The following NLN variants were observed in gnomAD, a reference collection of about 807,000 sequenced individuals.
NLN encodes the protein neurolysin, mitochondrial.
NLN carries 64 observed loss-of-function variants against 79.9 expected under a neutral mutation model. That is an observed-to-expected ratio of 0.80 (90% CI 0.65 to 0.99). NLN has a LOEUF of 0.99. NLN is among the 50% of genes least tolerant of loss of function. The pLI, the probability that NLN is intolerant of heterozygous loss-of-function variation, is 0.00. For synonymous variants in NLN, 267 were observed against 296.6 expected, an observed-to-expected ratio of 0.90 and a Z score of 1.02; for missense variants, 835 against 858.7, an observed-to-expected ratio of 0.97 and a Z score of 0.34.
At chr5:65,775,099 G>A (rs1168263888) in intron 3 of NLN, among the ~76,000 whole-genome samples, 2 of 152,066 alleles carry the variant, frequency 1.3e-5, no homozygotes, top group Non-Finnish European at 2.9e-5. Flanking sequence ...TTGCACCTGT[G>A]TCATTTATTT....
At chr5:65,741,796 G>T (rs542791251) in intron 1 of NLN, among the ~76,000 whole-genome samples, 2 of 152,136 alleles carry the variant, frequency 1.3e-5, no homozygotes, top group African/African-American at 4.8e-5. Flanking sequence ...ATGCTCTGTG[G>T]TCTCAGTTGG....
intron 12 of NLN, among the ~76,000 whole-genome samples, chr5:65,816,535 TAA>T (rs572354124): frequency 1.3e-4 from 18 of 136,848 alleles, no homozygotes; most frequent in Admixed American, 1.5e-4. Context: ...ACGTAAAAGT[TAA>T]AAAAAAAAAA....
At chr5:65,781,053 T>G (rs1759789952) in intron 5 of NLN, among the ~76,000 whole-genome samples, 1 of 152,198 alleles carries the variant, frequency 6.6e-6, no homozygotes, top group Non-Finnish European at 1.5e-5. Flanking sequence ...CTGTTCATAT[T>G]TTGAATTGCC....
intron 3 of NLN, among the ~76,000 whole-genome samples, chr5:65,773,020 A>G (rs1759602917): frequency 6.7e-6 from 1 of 150,362 alleles, no homozygotes; most frequent in Non-Finnish European, 1.5e-5. Context: ...TGGCACAGTC[A>G]CAGCTCACTG....
intron 12 of NLN, among the ~76,000 whole-genome samples, chr5:65,818,435 C>T (rs1760721059): frequency 6.6e-6 from 1 of 152,100 alleles, no homozygotes; most frequent in Non-Finnish European, 1.5e-5. Context: ...TTTGGATCTC[C>T]TCCCTCCCCA....
intron 1 of NLN, among the ~76,000 whole-genome samples, chr5:65,756,384 T>G (rs1191988991): frequency 6.6e-6 from 1 of 152,136 alleles, no homozygotes; most frequent in Non-Finnish European, 1.5e-5. Context: ...CCTCCATCCA[T>G]TCAGTACCAA....
At position 65,763,074 on chromosome 5, in the gene NLN, G is replaced by T. The variant is rs1759374496; in HGVS notation, c.416G>T (p.Arg139Ile). The change falls in exon 3 of 13, where the codon AGA (arginine) becomes ATA (isoleucine). Residue 139 changes from arginine (R) to isoleucine (I), a missense_variant. By Grantham distance (97) the Arg-to-Ile change is moderately conservative. Transcript: ENST00000380985. ...LSRFDIEMSM[R>I]GDIFERIVHL... ...CGTTTTGATATTGAGATGAGCATGA[G>T]AGGAGATATATTTGAGAGAATTGTT... 4 of 1,613,784 alleles carry T rather than the reference G, an allele frequency of 2.5e-6. No individual in the cohort carries two copies. The highest frequency in any genetic ancestry group is 3.4e-6 in the Non-Finnish European group (4 of 1,179,782).
chr5:65,748,442 G>A (rs1328659897), intron 1 of NLN, among the ~76,000 whole-genome samples: 1 of 152,006 alleles, frequency 6.6e-6, no homozygotes, highest in Non-Finnish European at 1.5e-5. Flanking sequence ...TAAATACAAA[G>A]GTTCTTGGAG....
intron 4 of NLN, among the ~76,000 whole-genome samples, chr5:65,779,204 G>A (rs1477112177): frequency 6.6e-6 from 1 of 152,130 alleles, no homozygotes; most frequent in Non-Finnish European, 1.5e-5. Flanking sequence ...TTAAGAGTTT[G>A]CACTTCAGTA....
chr5:65,738,796 G>T (rs908663803), intron 1 of NLN, among the ~76,000 whole-genome samples: 1 of 149,746 alleles, frequency 6.7e-6, no homozygotes, highest in South Asian at 2.1e-4. Context: ...TTGCTCTGTT[G>T]CCCAGGCAGG....
At chr5:65,793,741 C>G (rs894293671) in intron 9 of NLN, 1 of 151,832 alleles carries the variant, frequency 6.6e-6, no homozygotes, top group African/African-American at 2.4e-5. Context: ...TAAAAAACAA[C>G]AACAACAAAA....
chr5:65,745,583 A>G (rs1401039233), intron 1 of NLN, among the ~76,000 whole-genome samples: 17 of 152,184 alleles, frequency 1.1e-4, no homozygotes. Flanking sequence ...CATGCATATA[A>G]ACTCTTGGTG....
chr5:65,777,700 G>A (rs1375163743), intron 4 of NLN, among the ~76,000 whole-genome samples, 166 bp downstream of exon 4: 2 of 152,168 alleles, frequency 1.3e-5, no homozygotes, highest in South Asian at 2.1e-4. Flanking sequence ...TTCAGGTTTT[G>A]TGGGTTAGGC....
chr5:65,824,260 C>G lies in NLN; in HGVS notation c.*1345C>G, dbSNP rs1311075486. On this transcript the variant is annotated 3_prime_UTR_variant, in exon 13 of 13. Transcript: ENST00000380985. ...AATTAGCACCTTCCGATTCTCTAGTCCAAATGAACTTTGTGCTAAATAAAA... is the reference window on the plus strand; with the variant it reads ...AATTAGCACCTTCCGATTCTCTAGTGCAAATGAACTTTGTGCTAAATAAAA... 1.3e-5 allele frequency: 2 copies of G among 152,156 alleles called. No homozygotes were observed. Among genetic ancestry groups the G allele is most frequent in the African/African-American group, 4.8e-5 (2 of 41,434 alleles). 9.4% of individuals were successfully genotyped at this position (152,156 alleles called of 1,614,324 possible).
chr5:65,763,020 C>G lies in NLN; in HGVS notation c.362C>G (p.Ala121Gly), dbSNP rs1759372492. ...HVSSDKEVRA[A>G]STEADKRLSR... ...TCCTCTGACAAAGAAGTACGAGCAG[C>G]AAGTACAGAAGCAGACAAAAGACTT... is the stretch of plus-strand genomic sequence containing the variant. The change falls in exon 3 of 13, where the codon GCA becomes GGA. Residue 121 changes from alanine (A) to glycine (G), a missense_variant. By Grantham distance (60) the Ala-to-Gly change is moderately conservative. Transcript: ENST00000380985. The G allele has an allele frequency of 6.2e-7, 1 of 1,613,700 alleles. No homozygotes were observed.
intron 7 of NLN, chr5:65,786,162 C>A: frequency 3.3e-6 from 1 of 300,146 alleles, no homozygotes; most frequent in Non-Finnish European, 6.1e-6. Flanking sequence ...CCTAACATGA[C>A]ATGTAGGTTC....
Position 65,825,916 on chromosome 5 carries a change from A to G in NLN, c.*3001A>G, listed in dbSNP as rs1760911182. The G allele has an allele frequency of 6.6e-6, 1 of 152,206 alleles. No individual in the cohort carries two copies. The highest frequency in any genetic ancestry group is 1.5e-5 in the Non-Finnish European group (1 of 68,052). The allele number at this position is 152,206 out of a possible 1,614,324, so 9.4% of individuals were successfully genotyped here. Reference sequence around the variant, plus strand: ...ACCATTTATTCATTTTCTATCATACACAGGTGGATTAAAATTTACATTAAA... The same window carrying G: ...ACCATTTATTCATTTTCTATCATACGCAGGTGGATTAAAATTTACATTAAA... On this transcript the variant is annotated 3_prime_UTR_variant, in exon 13 of 13. Transcript: ENST00000380985.
intron 9 of NLN, among the ~76,000 whole-genome samples, chr5:65,806,668 G>T (rs1249714820): frequency 6.6e-6 from 1 of 152,212 alleles, no homozygotes; most frequent in Non-Finnish European, 1.5e-5. Context: ...AAGATGCTAT[G>T]AATATCGTTG....
intron 12 of NLN, among the ~76,000 whole-genome samples, chr5:65,817,475 G>A (rs1050499420): frequency 4.6e-5 from 7 of 152,076 alleles, no homozygotes; most frequent in Non-Finnish European, 7.4e-5. Flanking sequence ...GAAATAATGG[G>A]GGCATTTTAA....
Sources: gnomAD v4.1 joint callset for allele counts (sites outside exome capture counted in the v4.1 genomes callset) on GRCh38, gnomAD v4.1.1 for gene constraint, MANE v1.5 for transcripts, NCBI Gene and HGNC (gene_info 2026-07-23, HGNC 2026-07-21) for gene names.